Variants in FHIT observed in about 807,000 individuals in gnomAD.
The protein encoded by FHIT is bis(5'-adenosyl)-triphosphatase.
FHIT carries 19 observed loss-of-function variants against 17.9 expected under a neutral mutation model. That is an observed-to-expected ratio of 1.06 (90% confidence interval 0.74 to 1.56). FHIT has a LOEUF of 1.56. FHIT is among the 40% of genes most tolerant of loss of function. FHIT has a pLI of 0.00. For synonymous variants in FHIT, 81 were observed against 69.7 expected (o/e 1.16, Z -0.81); for missense variants, 248 against 189.2 (o/e 1.31, Z -1.82).
chr3:61,094,560 T>C (rs2035581305), intron 2 of FHIT, among the ~76,000 whole-genome samples: 1 of 152,184 alleles, frequency 6.6e-6, no homozygotes, highest in Admixed American at 6.5e-5. Flanking sequence ...CAAACAGTAC[T>C]ATGTTTCTCC....
At chr3:59,928,873 T>A (rs1008502651) in intron 7 of FHIT, among the ~76,000 whole-genome samples, 2 of 151,624 alleles carry the variant, frequency 1.3e-5, no homozygotes, top group African/African-American at 2.4e-5. Context: ...CACACACCTG[T>A]AATCCCAGCT....
At chr3:61,055,877 T>C (rs930444656) in intron 2 of FHIT, among the ~76,000 whole-genome samples, 2 of 152,184 alleles carry the variant, frequency 1.3e-5, no homozygotes, top group African/African-American at 4.8e-5. Flanking sequence ...TATATATTTA[T>C]GGGTTGCATG....
At chr3:60,194,396 TA>T (rs1351597078) in intron 5 of FHIT, among the ~76,000 whole-genome samples, 2 of 152,116 alleles carry the variant, frequency 1.3e-5, no homozygotes, top group African/African-American at 2.4e-5. Flanking sequence ...GTAGAAGAAT[TA>T]AACGGGATCC....
At chr3:60,443,464 T>A (rs1036063307) in intron 5 of FHIT, among the ~76,000 whole-genome samples, 19 of 152,174 alleles carry the variant, frequency 1.2e-4, no homozygotes, top group African/African-American at 4.6e-4. Flanking sequence ...CCTAATTTAT[T>A]GAGAGTTTTT....
intron 4 of FHIT, among the ~76,000 whole-genome samples, chr3:60,727,390 A>G (rs1553709864): frequency 6.6e-6 from 1 of 152,196 alleles, no homozygotes; most frequent in Non-Finnish European, 1.5e-5. Context: ...ATAAACAAGA[A>G]AGAGATAGGG....
intron 2 of FHIT, among the ~76,000 whole-genome samples, chr3:61,141,390 G>A (rs991034117): frequency 2.0e-5 from 3 of 152,058 alleles, no homozygotes; most frequent in East Asian, 1.9e-4. Flanking sequence ...TTAGTCATCC[G>A]CTCCTTTCAT....
At chr3:60,705,844 G>A (rs564352174) in intron 4 of FHIT, among the ~76,000 whole-genome samples, 2 of 152,264 alleles carry the variant, frequency 1.3e-5, no homozygotes, top group East Asian at 3.9e-4. Context: ...AGTCCTAGCT[G>A]ACCCTCTTAA....
chr3:60,879,113 A>C (rs1362837105), intron 3 of FHIT, among the ~76,000 whole-genome samples: 2 of 152,186 alleles, frequency 1.3e-5, no homozygotes, highest in East Asian at 1.9e-4. Context: ...CCAACAGTGT[A>C]AAAGTGTTCC....
chr3:60,615,704 C>T (rs907312605), intron 4 of FHIT, among the ~76,000 whole-genome samples: 2 of 152,136 alleles, frequency 1.3e-5, no homozygotes, highest in Non-Finnish European at 2.9e-5. Context: ...ATAAAAGAAA[C>T]AATCTTAACC....
chr3:60,674,189 CCATTCAGTAAACTTTT>C (rs1553694710), intron 4 of FHIT, among the ~76,000 whole-genome samples: 2 of 152,068 alleles, frequency 1.3e-5, no homozygotes, highest in African/African-American at 4.8e-5. Context: ...GTTGCTAAGG[CCATTCAGTAAACTTTT>C]CATTTTGGAA....
intron 4 of FHIT, among the ~76,000 whole-genome samples, chr3:60,797,160 T>G (rs555085859): frequency 6.6e-6 from 1 of 152,188 alleles, no homozygotes; most frequent in Non-Finnish European, 1.5e-5. Context: ...TGGCTCAGGA[T>G]TTGGTGCTTG....
chr3:60,533,329 A>G (rs1184524404), intron 5 of FHIT, among the ~76,000 whole-genome samples: 1 of 152,086 alleles, frequency 6.6e-6, no homozygotes, highest in Non-Finnish European at 1.5e-5. Context: ...CAATGCATAT[A>G]CTCCTGATGT....
chr3:59,747,876 C>A lies in FHIT; in HGVS notation c.*1709G>T, dbSNP rs574111884. ...AGCCAGCTTGCTCTGGGTTTAAGAT[C>A]TGGCCTCCACTGCTGTTTCTCCAAA... is the stretch of plus-strand genomic sequence containing the variant. On this transcript the variant is annotated 3_prime_UTR_variant, in exon 10 of 10. Transcript: ENST00000492590. Among the ~76,000 whole-genome samples, 1 of 152,124 alleles carries A rather than the reference C, an allele frequency of 6.6e-6. No individual in the cohort carries two copies. Among genetic ancestry groups the A allele is most frequent in the Non-Finnish European group, 1.5e-5 (1 of 68,006 alleles).
intron 8 of FHIT, among the ~76,000 whole-genome samples, chr3:59,844,543 T>A (rs955208158): frequency 9.2e-5 from 14 of 152,048 alleles, no homozygotes; most frequent in African/African-American, 3.4e-4. Flanking sequence ...GGGCTTGAAA[T>A]GTGGCAGATG....
intron 2 of FHIT, among the ~76,000 whole-genome samples, chr3:61,074,625 T>C (rs2034914983): frequency 6.6e-6 from 1 of 152,156 alleles, no homozygotes; most frequent in Admixed American, 6.6e-5. Flanking sequence ...TTTGCCTCAA[T>C]TGTATCACTC....
chr3:60,931,429 CATTT>C, intron 3 of FHIT, among the ~76,000 whole-genome samples: 1 of 152,200 alleles, frequency 6.6e-6, no homozygotes, highest in Admixed American at 6.5e-5. Context: ...AAAATATATT[CATTT>C]ATTTTACACT....
intron 2 of FHIT, among the ~76,000 whole-genome samples, chr3:61,080,859 T>C (rs1216731627): frequency 1.3e-5 from 2 of 151,494 alleles, no homozygotes; most frequent in Non-Finnish European, 2.9e-5. Context: ...AGAAAGTTCA[T>C]GCCAATTCAC....
chr3:61,126,961 T>C (rs2106942037), intron 2 of FHIT, among the ~76,000 whole-genome samples: 1 of 152,166 alleles, frequency 6.6e-6, no homozygotes, highest in East Asian at 1.9e-4. Flanking sequence ...GTAGAGAGCC[T>C]GGAGTGGAAT....
intron 5 of FHIT, among the ~76,000 whole-genome samples, chr3:60,252,971 C>T (rs1705803679): frequency 6.6e-6 from 1 of 152,006 alleles, no homozygotes; most frequent in Non-Finnish European, 1.5e-5. Context: ...GCACTCCAGC[C>T]TGGGTGACAG....
Sources: gnomAD v4.1 joint callset for allele counts (sites outside exome capture counted in the v4.1 genomes callset) on GRCh38, gnomAD v4.1.1 for gene constraint, MANE v1.5 for transcripts, NCBI Gene and HGNC (gene_info 2026-07-23, HGNC 2026-07-21) for gene names.